Variants in TMEM68 observed in about 807,000 individuals in gnomAD.
TMEM68 encodes the protein DGAT1/2-independent enzyme synthesizing storage lipids.
A neutral mutation model predicts 36.9 loss-of-function variants in TMEM68; 25 were observed. The ratio of observed to expected loss-of-function variants is 0.68; its 90% CI spans 0.49 to 0.95. TMEM68 has a LOEUF of 0.95. TMEM68 is among the 40% of genes least tolerant of loss of function. The pLI, the probability that TMEM68 is intolerant of heterozygous loss-of-function variation, is 0.00. For synonymous variants in TMEM68, 131 were observed against 124.4 expected, an observed-to-expected ratio of 1.05 and a Z score of -0.35; for missense variants, 333 against 392.0, an observed-to-expected ratio of 0.85 and a Z score of 1.27.
At chr8:55,747,722 A>G (rs1215179767) in intron 5 of TMEM68, 1 of 152,168 alleles carries the variant, frequency 6.6e-6, no homozygotes, top group East Asian at 1.9e-4. Context: ...TCTGGAAATC[A>G]CTACTAGTTT....
chr8:55,755,801 C>T (rs1810587645), intron 4 of TMEM68, among the ~76,000 whole-genome samples: 3 of 151,900 alleles, frequency 2.0e-5, no homozygotes, highest in South Asian at 4.2e-4. Context: ...AAAAAAATAA[C>T]AATACCTGCT....
chr8:55,751,512 C>G (rs1472946250), intron 4 of TMEM68: 2 of 445,508 alleles, frequency 4.5e-6, no homozygotes, highest in Non-Finnish European at 8.8e-6. Context: ...AAATGATATC[C>G]CATCAGCAAT....
intron 3 of TMEM68, among the ~76,000 whole-genome samples, chr8:55,758,211 G>A (rs368632301): frequency 2.0e-4 from 31 of 152,272 alleles, no homozygotes; most frequent in African/African-American, 6.3e-4. Context: ...TCTGAAGTCT[G>A]TGCTGAACTG....
At chr8:55,751,660 C>A in intron 4 of TMEM68, 1 of 247,186 alleles carries the variant, frequency 4.0e-6, no homozygotes, top group East Asian at 1.5e-4. Flanking sequence ...AATGCTAATT[C>A]TATAATTAAA....
At chr8:55,766,675 C>T (rs1810972878) in intron 1 of TMEM68, among the ~76,000 whole-genome samples, 1 of 151,908 alleles carries the variant, frequency 6.6e-6, no homozygotes, top group Admixed American at 6.6e-5. Context: ...CGTGCCCGGC[C>T]TCTATGCACG....
At position 55,739,393 on chromosome 8, in the gene TMEM68, A is replaced by G. The variant is rs979700300; in HGVS notation, c.*739T>C. On this transcript the variant is annotated 3_prime_UTR_variant, in exon 8 of 8. Transcript: ENST00000434581. ...TATAGACTCTTGTTAAAAATATCAT[A>G]CTAAAAATAATAATTAGAAATTTTA... The G allele has an allele frequency of 6.6e-6, 1 of 152,596 alleles. No individual in the cohort carries two copies. Among genetic ancestry groups the G allele is most frequent in the African/African-American group, 2.4e-5 (1 of 41,456 alleles). The allele number at this position is 152,596 out of a possible 1,614,324, so 9.5% of individuals were successfully genotyped here. A position where few individuals can be genotyped will look rare whatever the true frequency, so the allele number is the denominator to read the frequency against.
At chr8:55,756,143 G>A (rs773107562) in intron 4 of TMEM68, 101 bp downstream of exon 4, 1 of 1,021,834 alleles carries the variant, frequency 9.8e-7, no homozygotes, top group South Asian at 1.8e-5. Flanking sequence ...AAGGCAAAAA[G>A]CTTTTTCAAA....
chr8:55,750,541 C>CT (rs10674110), intron 5 of TMEM68, among the ~76,000 whole-genome samples: 18,491 of 137,494 alleles, frequency 0.13, 1,555 homozygotes, highest in Middle Eastern at 0.18. Context: ...ATTCTCCAGT[C>CT]TTTTTTTTTT....
At position 55,762,824 on chromosome 8, in the gene TMEM68, A is replaced by T; in HGVS notation, c.136T>A (p.Trp46Arg). Residue 46 changes from tryptophan to arginine, a missense_variant, in exon 3 of 8, where the codon TGG (tryptophan) becomes AGG (arginine). By Grantham distance (101) the Trp-to-Arg change is moderately radical (BLOSUM62 -3). Transcript: ENST00000434581. ...AAAAGTATTAGTGGTGTAAAAACCC[A>T]CAAGAGATAGTTTGCAAAATTCAAA... ...DYLNFANYLL[W>R]VFTPLILLIL... 2 of 1,614,190 alleles carry T rather than the reference A, an allele frequency of 1.2e-6. No individual in the cohort carries two copies. The highest frequency in any genetic ancestry group is 1.7e-6 in the Non-Finnish European group (2 of 1,180,022).
At chr8:55,773,151 G>C (rs2075970286) in intron 1 of TMEM68, 118 bp downstream of exon 1, 1 of 152,508 alleles carries the variant, frequency 6.6e-6, no homozygotes, top group East Asian at 1.9e-4. Flanking sequence ...CTGGGAGACC[G>C]GACGCGCGCG....
intron 3 of TMEM68, among the ~76,000 whole-genome samples, chr8:55,758,010 A>G (rs1184175365): frequency 6.6e-6 from 1 of 152,170 alleles, no homozygotes; most frequent in East Asian, 1.9e-4. Context: ...GGGCATGAAC[A>G]AGGGGTGTGA....
In TMEM68 at chr8:55,767,059, ATAG is replaced by A. The variant is rs1309703224; in HGVS notation, c.-114-3082_-114-3080del. 1.2e-3 allele frequency among the ~76,000 whole-genome samples: 166 copies of A among 137,796 alleles called. 1 individual carries two copies. The highest frequency in any genetic ancestry group is 4.5e-3 in the African/African-American group (163 of 36,220). 90.4% of individuals were successfully genotyped at this position (137,796 alleles called of 152,430 possible). A position where few individuals can be genotyped will look rare whatever the true frequency, so the allele number is the denominator to read the frequency against. ...CAGTTTCTTCATTTGTAAAATAAAA[ATAG>A]CATCTACCTAATAAGACTATCGTGA... On this transcript the variant is annotated intron_variant, in intron 1 of 7. Transcript: ENST00000434581.
chr8:55,751,114 T>C lies in TMEM68; in HGVS notation c.537A>G (p.Pro179=). ...TCAGAATTTCAACACATTTTTCTCT[T>C]GGTCCATGTAGAGCACAAAACACAT... ...LLDVFCALHG[P]REKCVEILRS... Residue 179 remains proline (P), a synonymous_variant, in exon 5 of 8, where the codon CCA becomes CCG. Transcript: ENST00000434581. 1 of 1,614,006 alleles carries C rather than the reference T, an allele frequency of 6.2e-7. No homozygotes were observed. The highest frequency in any genetic ancestry group is 8.5e-7 in the Non-Finnish European group (1 of 1,180,004).
intron 7 of TMEM68, among the ~76,000 whole-genome samples, chr8:55,741,603 A>C (rs982802240): frequency 6.6e-6 from 1 of 152,208 alleles, no homozygotes; most frequent in Non-Finnish European, 1.5e-5. Flanking sequence ...CTGAGAGCCC[A>C]CTGGGTAGGC....
chr8:55,753,739 C>G (rs921089878), intron 4 of TMEM68, among the ~76,000 whole-genome samples: 1 of 152,156 alleles, frequency 6.6e-6, no homozygotes, highest in African/African-American at 2.4e-5. Context: ...AATGAGTTTA[C>G]TCAAGAATGA....
At position 55,762,992 on chromosome 8, in the gene TMEM68, C is replaced by A; in HGVS notation, c.-33G>T. 1.3e-6 allele frequency: 2 copies of A among 1,551,906 alleles called. No homozygotes were observed. Among genetic ancestry groups the A allele is most frequent in the Non-Finnish European group, 1.7e-6 (2 of 1,152,432 alleles). ...CAGGTGAAAATGACAAATTCAGTTT[C>A]TTTCTTCATTGCCATAGCAGGTCGC... On this transcript the variant is annotated 5_prime_UTR_variant, in exon 3 of 8. The change creates a premature stop within an existing upstream ORF in the 5' untranslated region. Transcript: ENST00000434581.
chr8:55,769,780 G>A (rs1482090625), intron 1 of TMEM68, among the ~76,000 whole-genome samples: 4 of 152,096 alleles, frequency 2.6e-5, no homozygotes, highest in Non-Finnish European at 5.9e-5. Context: ...CTACAGGCAA[G>A]CACCACTGCA....
At position 55,758,570 on chromosome 8, in the gene TMEM68, A is replaced by G. The variant is rs192629953; in HGVS notation, c.326-2159T>C. Among the ~76,000 whole-genome samples the G allele has an allele frequency of 1.1e-4, 16 of 152,372 alleles. No homozygotes were observed. In the East Asian group the frequency reaches 2.9e-3, roughly 28 times the overall value. The stretch of plus-strand genomic sequence containing the variant: ...GCCTGTAATCCCAACACTTTGGGAG[A>G]CTGAGATGGTAGGACTTTTGAGCCC... On this transcript the variant is annotated intron_variant, in intron 3 of 7. Coordinates refer to ENST00000434581, the MANE Select transcript of TMEM68 (RefSeq NM_001286657.2).
intron 4 of TMEM68, among the ~76,000 whole-genome samples, chr8:55,754,941 T>TTA (rs199612168): frequency 0.066 from 1,660 of 25,176 alleles, 58 homozygotes; most frequent in African/African-American, 0.19. Context: ...TTATATATAT[T>TTA]TATACACACA....
Sources: allele counts gnomAD v4.1 joint callset (sites outside exome capture counted in the v4.1 genomes callset), GRCh38; gene constraint gnomAD v4.1.1; transcripts MANE v1.5; gene names NCBI Gene and HGNC (gene_info 2026-07-23, HGNC 2026-07-21).